Variants in ADAMTSL1 observed in about 807,000 individuals in gnomAD.
ADAMTSL1 encodes the protein ADAMTS-like protein 1.
ADAMTSL1 carries 126 observed loss-of-function variants against 201.8 expected under a neutral mutation model. The ratio of observed to expected loss-of-function variants is 0.62; its 90% CI spans 0.54 to 0.72. The LOEUF (loss-of-function observed/expected upper bound fraction) is 0.72. ADAMTSL1 is among the 30% of genes least tolerant of loss of function. The pLI, the probability that ADAMTSL1 is intolerant of heterozygous loss-of-function variation, is 0.00. For synonymous variants in ADAMTSL1, 1,121 were observed against 903.4 expected (o/e 1.24, Z -4.32); for missense variants, 2,679 against 2,277.8 (o/e 1.18, Z -3.59).
chr9:17,937,425 T>C (rs539679860), intron 1 of ADAMTSL1, among the ~76,000 whole-genome samples: 20 of 152,196 alleles, frequency 1.3e-4, no homozygotes, highest in African/African-American at 4.3e-4. Flanking sequence ...TGCCTCTCAA[T>C]ATAGCCAGTG....
intron 15 of ADAMTSL1, among the ~76,000 whole-genome samples, chr9:18,737,117 G>A (rs1818542771): frequency 6.6e-6 from 1 of 152,066 alleles, no homozygotes; most frequent in Non-Finnish European, 1.5e-5. Context: ...TCAGAGGTTT[G>A]AGACCAGCCT....
At chr9:18,770,841 G>A (rs1466392029) in intron 17 of ADAMTSL1, 60 bp downstream of exon 17, 5 of 1,530,314 alleles carry the variant, frequency 3.3e-6, no homozygotes, top group Middle Eastern at 1.7e-4. Flanking sequence ...AGGCACCCCA[G>A]ACATATACAT....
chr9:18,172,736 A>T (rs1014866417), intron 2 of ADAMTSL1, among the ~76,000 whole-genome samples: 1 of 152,172 alleles, frequency 6.6e-6, no homozygotes, highest in Non-Finnish European at 1.5e-5. Context: ...AAATGGGAGA[A>T]TAACGTATTG....
intron 1 of ADAMTSL1, 108 bp from the exon 2 acceptor site, chr9:18,504,721 C>A: frequency 6.7e-7 from 1 of 1,498,818 alleles, no homozygotes; most frequent in South Asian, 1.2e-5. Context: ...GTTTTCATTC[C>A]TAGCAAAGCC....
intron 13 of ADAMTSL1, among the ~76,000 whole-genome samples, chr9:18,698,775 C>G (rs1380135506): frequency 6.6e-6 from 1 of 152,172 alleles, no homozygotes; most frequent in Non-Finnish European, 1.5e-5. Context: ...GGAAATGAGA[C>G]AGAATGAGGA....
chr9:18,502,777 T>G (rs1211862989), intron 1 of ADAMTSL1, among the ~76,000 whole-genome samples: 2 of 152,144 alleles, frequency 1.3e-5, no homozygotes, highest in Non-Finnish European at 2.9e-5. Context: ...GGTCGTACTG[T>G]GGGAAAGTCA....
intron 1 of ADAMTSL1, among the ~76,000 whole-genome samples, chr9:17,957,919 A>G (rs922956333): frequency 2.1e-4 from 32 of 152,274 alleles, no homozygotes; most frequent in African/African-American, 7.2e-4. Context: ...CCCTGCCAGC[A>G]TCTTGATTTT....
chr9:18,090,310 G>A (rs1823951908), intron 1 of ADAMTSL1, among the ~76,000 whole-genome samples: 3 of 152,160 alleles, frequency 2.0e-5, no homozygotes, highest in Admixed American at 2.0e-4. Flanking sequence ...AATGTTCATA[G>A]CAGCATTATT....
intron 1 of ADAMTSL1, among the ~76,000 whole-genome samples, chr9:17,972,598 G>A (rs10963366): frequency 0.81 from 122,031 of 151,540 alleles, 49,508 homozygotes; most frequent in East Asian, 0.92. Flanking sequence ...AGTCTTTGCT[G>A]TTGTGAATAG....
At chr9:18,612,652 A>G (rs1825454814) in intron 4 of ADAMTSL1, among the ~76,000 whole-genome samples, 1 of 152,218 alleles carries the variant, frequency 6.6e-6, no homozygotes, top group Non-Finnish European at 1.5e-5. Context: ...TGGTTCTGGG[A>G]TAACTGTCTA....
intron 2 of ADAMTSL1, among the ~76,000 whole-genome samples, chr9:18,464,082 T>A (rs1280484820): frequency 6.6e-6 from 1 of 152,262 alleles, no homozygotes; most frequent in Non-Finnish European, 1.5e-5. Context: ...GCTGTTGTTC[T>A]TTCTTTAGAT....
chr9:18,816,131 A>G (rs546039157), intron 20 of ADAMTSL1, among the ~76,000 whole-genome samples: 26 of 152,200 alleles, frequency 1.7e-4, no homozygotes, highest in East Asian at 7.7e-4. Flanking sequence ...ATCTCTCGCT[A>G]TCTTCCTCTC....
At chr9:18,119,761 G>A (rs1212446225) in intron 1 of ADAMTSL1, among the ~76,000 whole-genome samples, 1 of 152,112 alleles carries the variant, frequency 6.6e-6, no homozygotes, top group African/African-American at 2.4e-5. Context: ...CAGGGTGTAT[G>A]TCTGAAAGGA....
Position 18,574,264 on chromosome 9 carries a change from C to T in ADAMTSL1, c.472C>T (p.Gln158Ter). The T allele has an allele frequency of 6.2e-7, 1 of 1,611,902 alleles. No homozygotes were observed. Among genetic ancestry groups the T allele is most frequent in the Non-Finnish European group, 8.5e-7 (1 of 1,178,010 alleles). The change falls in exon 4 of 29, where the codon CAA (glutamine) becomes TAA (stop). Residue 158 changes from glutamine (Q) to a stop codon, truncating the protein, a stop_gained and splice_region_variant. Transcript: ENST00000380548. LOFTEE classifies it high-confidence loss of function. ...GGATATGTGCATCAGTGGTTTATGC[C>T]AAGTAAGTGCTGATTTGTTCTCATT... ...SLDMCISGLC[Q>*]IVGCDHQLGS... is the part of the protein sequence containing the mutation.
intron 15 of ADAMTSL1, among the ~76,000 whole-genome samples, chr9:18,746,053 GC>G (rs1382000672): frequency 1.3e-5 from 2 of 152,142 alleles, no homozygotes; most frequent in African/African-American, 2.4e-5. Context: ...GTGCCCCGTT[GC>G]CCCCAGGGAG....
At chr9:18,749,285 A>C (rs1343263204) in intron 15 of ADAMTSL1, among the ~76,000 whole-genome samples, 1 of 152,222 alleles carries the variant, frequency 6.6e-6, no homozygotes, top group Non-Finnish European at 1.5e-5. Flanking sequence ...CGAGTGGGGA[A>C]GTCACATTAC....
chr9:18,377,927 C>G (rs192936203), intron 2 of ADAMTSL1, among the ~76,000 whole-genome samples: 1 of 152,044 alleles, frequency 6.6e-6, no homozygotes, highest in Non-Finnish European at 1.5e-5. Context: ...CTCCCTCCCC[C>G]TCAATTCTGT....
intron 20 of ADAMTSL1, among the ~76,000 whole-genome samples, chr9:18,811,680 T>A (rs1823516684): frequency 6.6e-6 from 1 of 152,160 alleles, no homozygotes; most frequent in Admixed American, 6.5e-5. Flanking sequence ...TATACAGGCT[T>A]CAATTGAAAC....
At chr9:18,546,685 T>C (rs1820489392) in intron 3 of ADAMTSL1, among the ~76,000 whole-genome samples, 1 of 152,190 alleles carries the variant, frequency 6.6e-6, no homozygotes, top group Non-Finnish European at 1.5e-5. Context: ...TTGTTATAGA[T>C]ATTGGAAGTA....
Sources: allele counts gnomAD v4.1 joint callset (sites outside exome capture counted in the v4.1 genomes callset), GRCh38; gene constraint gnomAD v4.1.1; transcripts MANE v1.5; gene names NCBI Gene and HGNC (gene_info 2026-07-23, HGNC 2026-07-21).